TBC1D8: variants seen among roughly 807,000 people sequenced by gnomAD.
The protein encoded by TBC1D8 is TBC1 domain family member 8.
Under a neutral mutation model 118.8 loss-of-function variants are expected in TBC1D8, and 65 were observed. The ratio of observed to expected loss-of-function variants is 0.55; its 90% CI spans 0.45 to 0.67. The LOEUF is 0.67. TBC1D8 is among the 30% of genes least tolerant of loss of function. The probability of loss-of-function intolerance (pLI) is 0.00; values close to 1 mark genes in which losing one functional copy is unlikely to be tolerated. For missense variants in TBC1D8, 1,376 were observed against 1,471.2 expected (o/e 0.94, Z 1.06); for synonymous variants, 566 against 595.8 (o/e 0.95, Z 0.73).
At chr2:101,140,849 G>A (rs1178886478) in intron 1 of TBC1D8, among the ~76,000 whole-genome samples, 4 of 148,502 alleles carry the variant, frequency 2.7e-5, no homozygotes, top group Non-Finnish European at 5.9e-5. Flanking sequence ...TGCAACCTCC[G>A]TCTCCGGGTT....
Position 101,037,513 on chromosome 2 carries a change from G to A in TBC1D8, c.1452+19C>T, listed in dbSNP as rs1681088022. On this transcript the variant is annotated intron_variant, in intron 8 of 19. Coordinates refer to ENST00000409318, the MANE Select transcript of TBC1D8 (RefSeq NM_001330348.2). ...CGGCTCAGCTTTGTGGTCCAGCTTGGGCACCAGGCGTCACCCACCATTCGG... is the reference window on the plus strand; with the variant it reads ...CGGCTCAGCTTTGTGGTCCAGCTTGAGCACCAGGCGTCACCCACCATTCGG... 1.2e-6 allele frequency: 2 copies of A among 1,609,568 alleles called. No homozygotes were observed. The highest frequency in any genetic ancestry group is 2.2e-5 in the East Asian group (1 of 44,882).
intron 1 of TBC1D8, among the ~76,000 whole-genome samples, chr2:101,143,300 A>G (rs368449486): frequency 6.6e-6 from 1 of 151,992 alleles, no homozygotes; most frequent in Non-Finnish European, 1.5e-5. Context: ...TGACCTCGTG[A>G]TCTGCCCACC....
At chr2:101,115,089 T>C (rs1430559838) in intron 1 of TBC1D8, among the ~76,000 whole-genome samples, 1 of 152,086 alleles carries the variant, frequency 6.6e-6, no homozygotes, top group Non-Finnish European at 1.5e-5. Flanking sequence ...GTGTCCAAGA[T>C]AGAGACAAGG....
Position 101,022,347 on chromosome 2 carries a change from TC to T in TBC1D8, c.2694del (p.Thr899ArgfsTer19), listed in dbSNP as rs1175353657. 6.2e-7 allele frequency: 1 copy of T among 1,612,384 alleles called. No individual in the cohort carries two copies. The highest frequency in any genetic ancestry group is 2.2e-5 in the East Asian group (1 of 44,884). On this transcript the variant is annotated frameshift_variant, in exon 16 of 20. Coordinates refer to ENST00000409318, the MANE Select transcript of TBC1D8 (RefSeq NM_001330348.2). LOFTEE classifies it high-confidence loss of function. ...CGAHTEILAE[R>X]TFRLLDDNMD... is the part of the protein sequence containing the mutation. ...ATGTTGTCATCCAAGAGCCTGAACG[TC>T]CTTTCGGCGAGGATCTCCGTGTGGG... is the stretch of plus-strand genomic sequence containing the variant.
At chr2:101,033,911 C>T (rs1488296366) in intron 9 of TBC1D8, among the ~76,000 whole-genome samples, 153 bp from the exon 10 acceptor site, 2 of 152,174 alleles carry the variant, frequency 1.3e-5, no homozygotes, top group African/African-American at 4.8e-5. Flanking sequence ...CGCCTGTAAT[C>T]CCAGCATTTT....
At chr2:101,099,451 T>C (rs1325993844) in intron 1 of TBC1D8, among the ~76,000 whole-genome samples, 1 of 152,208 alleles carries the variant, frequency 6.6e-6, no homozygotes, top group Non-Finnish European at 1.5e-5. Context: ...GCTTGTACCA[T>C]TCCTTCTGAA....
At chr2:101,098,806 G>C (rs1161529295) in intron 1 of TBC1D8, among the ~76,000 whole-genome samples, 1 of 152,066 alleles carries the variant, frequency 6.6e-6, no homozygotes, top group Admixed American at 6.6e-5. Flanking sequence ...CAAGTTCTTT[G>C]AAACCAATGA....
chr2:101,075,954 A>C (rs1218521914), intron 2 of TBC1D8, among the ~76,000 whole-genome samples: 3 of 152,214 alleles, frequency 2.0e-5, no homozygotes, highest in Non-Finnish European at 4.4e-5. Flanking sequence ...TTCATAATGA[A>C]ATGCTAAGAG....
intron 1 of TBC1D8, among the ~76,000 whole-genome samples, chr2:101,117,337 A>G (rs747215328): frequency 4.7e-4 from 72 of 152,182 alleles, no homozygotes; most frequent in Non-Finnish European, 9.6e-4. Context: ...CTTTAAATAT[A>G]CAAAGAGATG....
chr2:101,119,341 G>A (rs367950178), intron 1 of TBC1D8, among the ~76,000 whole-genome samples: 23 of 142,928 alleles, frequency 1.6e-4, no homozygotes, highest in African/African-American at 5.1e-4. Flanking sequence ...CCCTACTTAC[G>A]GATGGCTCCA....
At chr2:101,059,196 C>T (rs549436140) in intron 3 of TBC1D8, among the ~76,000 whole-genome samples, 85 of 148,216 alleles carry the variant, frequency 5.7e-4, no homozygotes, top group African/African-American at 1.9e-3. Context: ...CGTGAGCCAC[C>T]GTGCCCAGCC....
chr2:101,115,314 T>C (rs563547694), intron 1 of TBC1D8, among the ~76,000 whole-genome samples: 3 of 152,312 alleles, frequency 2.0e-5, no homozygotes, highest in South Asian at 2.1e-4. Flanking sequence ...TTTAATAAGA[T>C]GGAGTGGAGG....
intron 17 of TBC1D8, among the ~76,000 whole-genome samples, chr2:101,014,102 G>A (rs1016955711): frequency 5.9e-5 from 9 of 152,106 alleles, no homozygotes; most frequent in African/African-American, 2.2e-4. Context: ...CAATTTCTTA[G>A]TGGTGGCTTC....
chr2:101,052,465 T>C (rs1682134017), intron 4 of TBC1D8, among the ~76,000 whole-genome samples: 1 of 143,148 alleles, frequency 7.0e-6, no homozygotes, highest in Non-Finnish European at 1.5e-5. Context: ...AGGAATCATT[T>C]ATTTTTCCTA....
chr2:101,113,866 C>G (rs956312739), intron 1 of TBC1D8, among the ~76,000 whole-genome samples: 1 of 152,156 alleles, frequency 6.6e-6, no homozygotes, highest in Non-Finnish European at 1.5e-5. Flanking sequence ...CCCCAGGGAG[C>G]CTGTAAAACT....
At chr2:101,097,034 C>T (rs2105465011) in intron 1 of TBC1D8, among the ~76,000 whole-genome samples, 1 of 152,100 alleles carries the variant, frequency 6.6e-6, no homozygotes, top group East Asian at 1.9e-4. Flanking sequence ...AAATCATATT[C>T]AAATTGCAGA....
chr2:101,130,482 C>T (rs1419445736), intron 1 of TBC1D8, among the ~76,000 whole-genome samples: 1 of 152,232 alleles, frequency 6.6e-6, no homozygotes, highest in African/African-American at 2.4e-5. Flanking sequence ...ACAGAGCTTG[C>T]AGATGACACA....
intron 2 of TBC1D8, among the ~76,000 whole-genome samples, chr2:101,072,309 A>G (rs1377186905): frequency 1.3e-5 from 2 of 152,116 alleles, no homozygotes; most frequent in African/African-American, 2.4e-5. Context: ...GAAGCTTACA[A>G]TCATGGCAGA....
At chr2:101,124,575 C>A (rs1030671872) in intron 1 of TBC1D8, among the ~76,000 whole-genome samples, 1 of 152,264 alleles carries the variant, frequency 6.6e-6, no homozygotes, top group East Asian at 1.9e-4. Flanking sequence ...AGTAAACCCT[C>A]GGCTGAAATG....
Sources: allele counts gnomAD v4.1 joint callset (sites outside exome capture counted in the v4.1 genomes callset), GRCh38; gene constraint gnomAD v4.1.1; transcripts MANE v1.5; gene names NCBI Gene and HGNC (gene_info 2026-07-23, HGNC 2026-07-21).